The following EML6 variants were observed in gnomAD, a reference collection of about 807,000 sequenced individuals.
EML6 encodes echinoderm microtubule-associated protein-like 6.
Under a neutral mutation model 240.1 loss-of-function variants are expected in EML6, and 154 were observed. The ratio of observed to expected loss-of-function variants is 0.64; its 90% confidence interval spans 0.56 to 0.73. The LOEUF (loss-of-function observed/expected upper bound fraction) is 0.73, where lower values mean the gene tolerates loss of function less well. EML6 is among the 30% of genes least tolerant of loss of function. EML6 has a pLI of 0.00. For missense variants in EML6, 2,964 were observed against 2,474.6 expected (o/e 1.20, Z -4.20); for synonymous variants, 1,148 against 899.0 (o/e 1.28, Z -4.95).
chr2:54,815,408 C>T (rs745668032), intron 3 of EML6, among the ~76,000 whole-genome samples: 1 of 152,172 alleles, frequency 6.6e-6, no homozygotes, highest in Non-Finnish European at 1.5e-5. Flanking sequence ...TCCATCACCT[C>T]ACAATAGACA....
At chr2:54,952,873 ATT>A (rs1676051236) in intron 31 of EML6, among the ~76,000 whole-genome samples, 181 bp downstream of exon 31, 1 of 152,130 alleles carries the variant, frequency 6.6e-6, no homozygotes, top group African/African-American at 2.4e-5. Flanking sequence ...AGTGACTGTG[ATT>A]CTGAGGGACC....
At chr2:54,771,735 G>A (rs1158314025) in intron 2 of EML6, among the ~76,000 whole-genome samples, 1 of 152,224 alleles carries the variant, frequency 6.6e-6, no homozygotes, top group Non-Finnish European at 1.5e-5. Context: ...GTTAACTGAG[G>A]TAGTGTCCAT....
At chr2:54,928,289 A>C (rs942720466) in intron 26 of EML6, 24 bp from the exon 27 acceptor site, 1 of 1,536,494 alleles carries the variant, frequency 6.5e-7, no homozygotes, top group African/African-American at 1.4e-5. Flanking sequence ...TGGCTGGGGT[A>C]ATAACCAATT....
intron 28 of EML6, among the ~76,000 whole-genome samples, chr2:54,947,543 C>T (rs1675752339): frequency 6.6e-6 from 1 of 152,076 alleles, no homozygotes; most frequent in Admixed American, 6.5e-5. Context: ...GGCTGACCTA[C>T]CAAGAAACAC....
intron 28 of EML6, among the ~76,000 whole-genome samples, chr2:54,931,996 C>T (rs1017249225): frequency 9.2e-5 from 14 of 152,182 alleles, no homozygotes; most frequent in Admixed American, 7.2e-4. Flanking sequence ...TCTAATTAGA[C>T]TCAGTTATTT....
intron 14 of EML6, chr2:54,868,814 A>T (rs904669642): frequency 1.1e-5 from 2 of 189,370 alleles, no homozygotes; most frequent in African/African-American, 4.7e-5. Context: ...AGGATTCCAG[A>T]TGGAGGAGAG....
In EML6 at chr2:54,913,335, C is replaced by G. The variant is rs1008247207; in HGVS notation, c.3498+2293C>G. On this transcript the variant is annotated intron_variant, in intron 25 of 41. Coordinates refer to ENST00000356458, the MANE Select transcript of EML6 (RefSeq NM_001039753.4). ...CCATCACGGCTCACTGTAACCTTGA[C>G]TTGCCGGGCTTAGGTGATCTTCCTG... is the stretch of plus-strand genomic sequence containing the variant. Among the ~76,000 whole-genome samples, 7 of 151,652 alleles carry G rather than the reference C, an allele frequency of 4.6e-5. No individual in the cohort carries two copies. The South Asian group carries it at 6.3e-4, about 14-fold the overall frequency.
At chr2:54,798,356 G>A (rs900238741) in intron 2 of EML6, among the ~76,000 whole-genome samples, 3 of 152,022 alleles carry the variant, frequency 2.0e-5, no homozygotes, top group African/African-American at 7.2e-5. Flanking sequence ...TGTATCTTTA[G>A]TAGAGATGGG....
rs537415097 is a variant in EML6 at position 54,841,068 on chromosome 2, G to A, written c.848-2979G>A. 1.2e-3 allele frequency among the ~76,000 whole-genome samples: 176 copies of A among 148,070 alleles called. No homozygotes were observed. The Middle Eastern group carries it at 0.014, about 12-fold the overall frequency. On this transcript the variant is annotated intron_variant, in intron 7 of 41. Transcript: ENST00000356458. The stretch of plus-strand genomic sequence containing the variant: ...GACTCCTGAGTGGTAATGAAACCCC[G>A]AAAAGGGTAGGCAAAGAGATCAGGA...
At chr2:54,749,727 C>G (rs1684072978) in intron 2 of EML6, among the ~76,000 whole-genome samples, 1 of 152,068 alleles carries the variant, frequency 6.6e-6, no homozygotes, top group Admixed American at 6.5e-5. Context: ...TAATTTGCCC[C>G]AAAACATCCA....
Position 54,928,419 on chromosome 2 carries a change from C to T in EML6, c.3782C>T (p.Thr1261Ile). The T allele has an allele frequency of 6.5e-7, 1 of 1,550,152 alleles. No homozygotes were observed. Among genetic ancestry groups the T allele is most frequent in the Non-Finnish European group, 8.7e-7 (1 of 1,146,340 alleles). The change falls in exon 27 of 42, where the codon ACA becomes ATA. Residue 1261 changes from threonine to isoleucine, a missense_variant. Physicochemically the swap from Thr to Ile is moderately conservative, Grantham distance 89. Transcript: ENST00000356458. ...SVLLTVGGAD[T>I]ALMIWTREFV... Reference sequence around the variant, plus strand: ...CTGCTCACGGTGGGCGGCGCCGACACAGCCCTGATGATCTGGACCAGGGAG... The same window carrying T: ...CTGCTCACGGTGGGCGGCGCCGACATAGCCCTGATGATCTGGACCAGGGAG...
rs1378176897 is a variant in EML6, at chr2:54,891,130, C to T, written c.2515C>T (p.His839Tyr). The T allele has an allele frequency of 1.3e-6, 2 of 1,485,382 alleles. No individual in the cohort carries two copies. The highest frequency in any genetic ancestry group is 1.8e-6 in the Non-Finnish European group (2 of 1,098,504). 92.0% of individuals were successfully genotyped at this position (1,485,382 alleles called of 1,614,324 possible). ...CAAACTGGTTACAGTTGGGATAAAA[C>T]ACATCAAATTCTGGCAACAAGCAGG... ...VDKLVTVGIK[H>Y]IKFWQQAGGG... Residue 839 changes from histidine (H) to tyrosine (Y), a missense_variant, in exon 18 of 42, where the codon CAC becomes TAC. Coordinates refer to ENST00000356458, the MANE Select transcript of EML6 (RefSeq NM_001039753.4).
chr2:54,829,505 A>G, intron 7 of EML6, 28 bp downstream of exon 7: 5 of 1,517,086 alleles, frequency 3.3e-6, no homozygotes, highest in Non-Finnish European at 4.5e-6. Flanking sequence ...CTTACCTGTA[A>G]CTCTGGATGT....
intron 28 of EML6, among the ~76,000 whole-genome samples, chr2:54,937,311 A>C (rs1400488040): frequency 6.6e-6 from 1 of 151,416 alleles, no homozygotes; most frequent in Non-Finnish European, 1.5e-5. Context: ...TAGGCTAAGC[A>C]TGGTGGGGCA....
intron 12 of EML6, among the ~76,000 whole-genome samples, chr2:54,861,603 C>T (rs762823894): frequency 9.2e-5 from 14 of 152,066 alleles, no homozygotes; most frequent in East Asian, 1.9e-4. Context: ...TACAGTCTTG[C>T]GGTACCAACA....
chr2:54,916,431 T>C (rs552567103), intron 25 of EML6, among the ~76,000 whole-genome samples: 2 of 152,182 alleles, frequency 1.3e-5, no homozygotes, highest in African/African-American at 2.4e-5. Context: ...AGTGCTGGCG[T>C]TGGGGAATCT....
At chr2:54,962,887 A>G (rs772957343) in intron 36 of EML6, among the ~76,000 whole-genome samples, 176 bp downstream of exon 36, 3 of 152,232 alleles carry the variant, frequency 2.0e-5, no homozygotes, top group African/African-American at 7.2e-5. Flanking sequence ...CCGTCTAAAC[A>G]ATATAATTGA....
chr2:54,823,850 T>TTCTCTCTCTCTCTCTC lies in EML6; in HGVS notation c.525+3400_525+3415dup, dbSNP rs147852134. Among the ~76,000 whole-genome samples the TTCTCTCTCTCTCTCTC allele has an allele frequency of 4.3e-3, 311 of 72,270 alleles. 8 individuals are homozygous for TTCTCTCTCTCTCTCTC. Among genetic ancestry groups the TTCTCTCTCTCTCTCTC allele is most frequent in the African/African-American group, 0.014 (253 of 18,418 alleles). 47.4% of individuals were successfully genotyped at this position (72,270 alleles called of 152,430 possible). On this transcript the variant is annotated intron_variant, in intron 5 of 41. Transcript: ENST00000356458. ...GGCTGAATTAATATTCATTCATTCA[T>TTCTCTCTCTCTCTCTC]TCTCTCTCTCTCTCTCTCTCTCTCT...
intron 28 of EML6, among the ~76,000 whole-genome samples, chr2:54,932,994 C>G (rs1159119544): frequency 6.6e-6 from 1 of 152,204 alleles, no homozygotes; most frequent in Non-Finnish European, 1.5e-5. Context: ...GGGGCAACTT[C>G]AGGTGGCACT....
Sources: gnomAD v4.1 joint callset for allele counts (sites outside exome capture counted in the v4.1 genomes callset) on GRCh38, gnomAD v4.1.1 for gene constraint, MANE v1.5 for transcripts, NCBI Gene and HGNC (gene_info 2026-07-23, HGNC 2026-07-21) for gene names.